The following THSD7A variants were observed in gnomAD, a reference collection of about 807,000 sequenced individuals.
THSD7A encodes the protein thrombospondin type-1 domain-containing protein 7A.
A neutral mutation model predicts 231.3 loss-of-function variants in THSD7A; 96 were observed. That is an observed-to-expected ratio of 0.41 (90% CI 0.35 to 0.49). The LOEUF (loss-of-function observed/expected upper bound fraction) is 0.49. Ranked by LOEUF, THSD7A falls within the 20% of genes least tolerant of loss-of-function variation. The probability of loss-of-function intolerance (pLI) is 0.05; values close to 1 mark genes in which losing one functional copy is unlikely to be tolerated. For synonymous variants in THSD7A, 940 were observed against 743.3 expected, an observed-to-expected ratio of 1.26 and a Z score of -4.30; for missense variants, 2,290 against 2,070.2, an observed-to-expected ratio of 1.11 and a Z score of -2.06.
intron 6 of THSD7A, among the ~76,000 whole-genome samples, chr7:11,489,589 T>C (rs927781234): frequency 3.3e-5 from 5 of 152,086 alleles, no homozygotes; most frequent in African/African-American, 1.2e-4. Flanking sequence ...CTAACTTCTA[T>C]AGGCATTAAT....
chr7:11,434,689 C>A (rs1416506598), intron 13 of THSD7A, among the ~76,000 whole-genome samples: 1 of 151,846 alleles, frequency 6.6e-6, no homozygotes, highest in Non-Finnish European at 1.5e-5. Context: ...ATTATATTCA[C>A]TTGATTGCAA....
At chr7:11,380,296 T>C (rs1782459998) in intron 24 of THSD7A, among the ~76,000 whole-genome samples, 2 of 152,150 alleles carry the variant, frequency 1.3e-5, no homozygotes, top group Non-Finnish European at 2.9e-5. Flanking sequence ...TACAGCTGTT[T>C]ATCTCGTTTA....
chr7:11,499,813 G>A (rs1772769764), intron 6 of THSD7A, among the ~76,000 whole-genome samples: 1 of 152,188 alleles, frequency 6.6e-6, no homozygotes, highest in East Asian at 1.9e-4. Flanking sequence ...CGAAGTATGG[G>A]ATTATGTGAA....
intron 13 of THSD7A, among the ~76,000 whole-genome samples, chr7:11,438,396 T>G (rs930393188): frequency 1.3e-5 from 2 of 152,010 alleles, no homozygotes; most frequent in Non-Finnish European, 2.9e-5. Flanking sequence ...TAGTGCAAAC[T>G]GGTATGAAAG....
chr7:11,824,573 CAGA>C (rs1784971159), intron 1 of THSD7A, among the ~76,000 whole-genome samples: 1 of 152,124 alleles, frequency 6.6e-6, no homozygotes, highest in Non-Finnish European at 1.5e-5. Flanking sequence ...GTATAATTTT[CAGA>C]AGGAGTGACC....
intron 1 of THSD7A, among the ~76,000 whole-genome samples, chr7:11,696,763 T>G (rs1780415147): frequency 6.6e-6 from 1 of 151,412 alleles, no homozygotes; most frequent in Admixed American, 6.6e-5. Flanking sequence ...AACCAGGGTG[T>G]TCCTGTATCT....
intron 4 of THSD7A, among the ~76,000 whole-genome samples, chr7:11,571,616 G>C (rs1790634305): frequency 6.6e-6 from 1 of 152,162 alleles, no homozygotes; most frequent in South Asian, 2.1e-4. Flanking sequence ...CAACTGCTCA[G>C]TAACCACTTC....
At chr7:11,685,694 T>C (rs570947927) in intron 1 of THSD7A, among the ~76,000 whole-genome samples, 3 of 152,050 alleles carry the variant, frequency 2.0e-5, no homozygotes, top group East Asian at 1.9e-4. Context: ...CCAGTCAGGA[T>C]GGCTATTATT....
At chr7:11,645,372 A>G (rs1207002185) in intron 1 of THSD7A, among the ~76,000 whole-genome samples, 1 of 151,734 alleles carries the variant, frequency 6.6e-6, no homozygotes, top group Non-Finnish European at 1.5e-5. Context: ...TCTGTTTTTG[A>G]TATGCAGACT....
At chr7:11,696,494 T>A (rs76048245) in intron 1 of THSD7A, among the ~76,000 whole-genome samples, 1 of 151,448 alleles carries the variant, frequency 6.6e-6, no homozygotes, top group African/African-American at 2.4e-5. Context: ...TAGGTATACA[T>A]GTGCCATGGT....
Position 11,728,549 on chromosome 7 carries a change from A to G in THSD7A, c.191-91588T>C, listed in dbSNP as rs1454872852. Reference sequence around the variant, plus strand: ...TCCTGGTAAAAACTCTCTTTATGCCATATTATGGGGTAGAAGACAATGACA... The same window carrying G: ...TCCTGGTAAAAACTCTCTTTATGCCGTATTATGGGGTAGAAGACAATGACA... On this transcript the variant is annotated intron_variant, in intron 1 of 27. Coordinates refer to ENST00000423059, the MANE Select transcript of THSD7A (RefSeq NM_015204.3). Among the ~76,000 whole-genome samples the G allele has an allele frequency of 2.6e-5, 4 of 151,948 alleles. 1 individual carries two copies. Among genetic ancestry groups the G allele is most frequent in the East Asian group, 1.9e-4 (1 of 5,152 alleles).
At chr7:11,709,812 A>G (rs1478424991) in intron 1 of THSD7A, among the ~76,000 whole-genome samples, 1 of 150,870 alleles carries the variant, frequency 6.6e-6, no homozygotes, top group Admixed American at 6.6e-5. Flanking sequence ...TTGTCAAGAA[A>G]TGTAGAAATT....
In THSD7A at chr7:11,379,731, T is replaced by A; in HGVS notation, c.4508-19A>T. 1.9e-6 allele frequency: 3 copies of A among 1,565,394 alleles called. No individual in the cohort carries two copies. Among genetic ancestry groups the A allele is most frequent in the Non-Finnish European group, 2.6e-6 (3 of 1,153,910 alleles). On this transcript the variant is annotated intron_variant, in intron 24 of 27. Coordinates refer to ENST00000423059, the MANE Select transcript of THSD7A (RefSeq NM_015204.3). Reference sequence around the variant, plus strand: ...CAGCCCCCTGCGGAACAGAAAATCATGTTTTGACAAATAATATATTTTGCT... The same window carrying A: ...CAGCCCCCTGCGGAACAGAAAATCAAGTTTTGACAAATAATATATTTTGCT...
chr7:11,698,373 G>A (rs534465912), intron 1 of THSD7A, among the ~76,000 whole-genome samples: 3 of 150,958 alleles, frequency 2.0e-5, no homozygotes, highest in Non-Finnish European at 4.4e-5. Context: ...AATACAATAC[G>A]GTATTTCATT....
At chr7:11,673,365 C>T (rs1783481974) in intron 1 of THSD7A, among the ~76,000 whole-genome samples, 1 of 152,118 alleles carries the variant, frequency 6.6e-6, no homozygotes, top group South Asian at 2.1e-4. Context: ...ACTCCAGAGA[C>T]TTCCCTGTGC....
chr7:11,593,353 G>C lies in THSD7A; in HGVS notation c.1172C>G (p.Thr391Ser). 1 of 1,613,990 alleles carries C rather than the reference G, an allele frequency of 6.2e-7. No individual in the cohort carries two copies. The highest frequency in any genetic ancestry group is 2.2e-5 in the East Asian group (1 of 44,874). The change falls in exon 3 of 28, where the codon ACC becomes AGC. Residue 391 changes from threonine (T) to serine (S), a missense_variant. By Grantham distance (58) the Thr-to-Ser change is moderately conservative. Coordinates refer to ENST00000423059, the MANE Select transcript of THSD7A (RefSeq NM_015204.3). ...SPAGTRVRTRTIRQFPIGSEK... is the reference protein window; with the variant it reads ...SPAGTRVRTRSIRQFPIGSEK... ...ACTGCCAATGGGAAACTGCCTGATG[G>C]TTCGTGTCCTTACACGAGTGCCTGC...
chr7:11,819,145 A>G (rs1035289103), intron 1 of THSD7A, among the ~76,000 whole-genome samples: 1 of 152,218 alleles, frequency 6.6e-6, no homozygotes, highest in Non-Finnish European at 1.5e-5. Flanking sequence ...ATATGCATCC[A>G]TTAGAATGGC....
At chr7:11,573,022 C>G (rs68035468) in intron 4 of THSD7A, among the ~76,000 whole-genome samples, 47,053 of 152,018 alleles carry the variant, frequency 0.31, 7,398 homozygotes, top group African/African-American at 0.36. Flanking sequence ...TCCTACTGAT[C>G]TTTTCAGGTT....
intron 11 of THSD7A, among the ~76,000 whole-genome samples, chr7:11,455,640 A>G (rs1785284441): frequency 6.6e-6 from 1 of 152,072 alleles, no homozygotes; most frequent in African/African-American, 2.4e-5. Context: ...AATAGATCAG[A>G]AAAACTTTTC....
Sources: gnomAD v4.1 joint callset for allele counts (sites outside exome capture counted in the v4.1 genomes callset) on GRCh38, gnomAD v4.1.1 for gene constraint, MANE v1.5 for transcripts, NCBI Gene and HGNC (gene_info 2026-07-23, HGNC 2026-07-21) for gene names.